Variants in SPTLC2 observed in about 807,000 individuals in gnomAD.
SPTLC2 encodes the protein serine palmitoyltransferase long chain base subunit 2, also known as serine palmitoyltransferase 2.
SPTLC2 carries 21 observed loss-of-function variants against 62.0 expected under a neutral mutation model. The ratio of observed to expected loss-of-function variants is 0.34; its 90% confidence interval spans 0.24 to 0.49. The LOEUF (loss-of-function observed/expected upper bound fraction) is 0.49, where lower values mean the gene tolerates loss of function less well. Among genes scored for constraint, SPTLC2 ranks in the 20% least tolerant of loss-of-function variants. The pLI is 0.99. For synonymous variants in SPTLC2, 261 were observed against 261.8 expected (o/e 1.00, Z 0.03); for missense variants, 511 against 713.0 (o/e 0.72, Z 3.23).
At chr14:77,518,884 G>C (rs1009468802) in intron 10 of SPTLC2, among the ~76,000 whole-genome samples, 2 of 152,174 alleles carry the variant, frequency 1.3e-5, no homozygotes, top group African/African-American at 2.4e-5. Context: ...TGTCAGGCCA[G>C]TTCACCCGCT....
In SPTLC2 at chr14:77,513,922, T is replaced by A. The variant is rs1230959199; in HGVS notation, c.1570-1519A>T. ...AAAAAAAAAAAAAAAAAGTCAAGGC[T>A]GAACACGGTGGCTCAAGCCTGTAAT... On this transcript the variant is annotated intron_variant, in intron 11 of 11. Coordinates refer to ENST00000216484, the MANE Select transcript of SPTLC2 (RefSeq NM_004863.4). 3.0e-5 allele frequency among the ~76,000 whole-genome samples: 4 copies of A among 135,226 alleles called. No individual in the cohort carries two copies. The South Asian group carries it at 9.4e-4, about 32-fold the overall frequency. 88.7% of individuals were successfully genotyped at this position (135,226 alleles called of 152,430 possible). A position where few individuals can be genotyped will look rare whatever the true frequency, so the allele number is the denominator to read the frequency against.
At chr14:77,538,210 T>C (rs1458819698) in intron 9 of SPTLC2, among the ~76,000 whole-genome samples, 1 of 152,186 alleles carries the variant, frequency 6.6e-6, no homozygotes, top group Non-Finnish European at 1.5e-5. Flanking sequence ...CAATTTAGAG[T>C]ACCTCTACCA....
chr14:77,541,381 A>C (rs1035685401), intron 9 of SPTLC2, among the ~76,000 whole-genome samples: 1 of 152,158 alleles, frequency 6.6e-6, no homozygotes, highest in Non-Finnish European at 1.5e-5. Flanking sequence ...TCTTACCAAA[A>C]GCAGCACATT....
intron 1 of SPTLC2, among the ~76,000 whole-genome samples, chr14:77,614,567 G>A (rs1268667842): frequency 6.6e-6 from 1 of 152,060 alleles, no homozygotes; most frequent in Non-Finnish European, 1.5e-5. Context: ...GGGAGGCTGA[G>A]GCAGGAGAAT....
intron 1 of SPTLC2, among the ~76,000 whole-genome samples, chr14:77,598,920 G>GAAAAAAAAAA (rs11301610): frequency 7.7e-6 from 1 of 129,756 alleles, no homozygotes; most frequent in Non-Finnish European, 1.7e-5. Context: ...AGGTGATACA[G>GAAAAAAAAAA]AAAAAAAAAA....
intron 9 of SPTLC2, among the ~76,000 whole-genome samples, chr14:77,546,646 A>G (rs946571435): frequency 6.6e-6 from 1 of 152,116 alleles, no homozygotes; most frequent in Non-Finnish European, 1.5e-5. Flanking sequence ...AAGATCACCT[A>G]TTGTTCAACT....
At chr14:77,565,242 CAAAAAAAAAAAAAAA>C (rs59356054) in intron 5 of SPTLC2, among the ~76,000 whole-genome samples, 1 of 33,692 alleles carries the variant, frequency 3.0e-5, no homozygotes, top group Non-Finnish European at 4.9e-5. Context: ...AACTCCATCT[CAAAAAAAAAAAAAAA>C]AAAAAAAAAA....
chr14:77,512,264 T>C lies in SPTLC2; in HGVS notation c.*20A>G. 6.2e-7 allele frequency: 1 copy of C among 1,613,420 alleles called. No homozygotes were observed. The highest frequency in any genetic ancestry group is 1.3e-5 in the African/African-American group (1 of 75,042). On this transcript the variant is annotated 3_prime_UTR_variant, in exon 12 of 12. Transcript: ENST00000216484. ...TGTCCTGGGTGAGGGAGAGTTCCTC[T>C]GAGGGAGCACCAAAAAGGCTCAGTC...
chr14:77,602,912 A>G (rs2079885803), intron 1 of SPTLC2, among the ~76,000 whole-genome samples: 1 of 152,142 alleles, frequency 6.6e-6, no homozygotes, highest in Non-Finnish European at 1.5e-5. Flanking sequence ...AAACGTCCTA[A>G]TGATATCCTC....
intron 9 of SPTLC2, among the ~76,000 whole-genome samples, chr14:77,542,055 T>G (rs1755071494): frequency 7.0e-6 from 1 of 142,006 alleles, no homozygotes; most frequent in East Asian, 2.0e-4. Flanking sequence ...AGACAGACTC[T>G]GTGTCCGGAA....
chr14:77,531,884 G>T (rs1418128293), intron 9 of SPTLC2, among the ~76,000 whole-genome samples: 1 of 152,022 alleles, frequency 6.6e-6, no homozygotes, highest in African/African-American at 2.4e-5. Context: ...TCTAAGATCT[G>T]TACACTTCAT....
At chr14:77,557,803 C>CTTGTG (rs1056358454) in intron 6 of SPTLC2, among the ~76,000 whole-genome samples, 1 of 152,176 alleles carries the variant, frequency 6.6e-6, no homozygotes, top group African/African-American at 2.4e-5. Context: ...CAACCAAGTT[C>CTTGTG]TTGTGGCTCT....
At position 77,597,180 on chromosome 14, in the gene SPTLC2, A is replaced by G. The variant is rs2079851933; in HGVS notation, c.327+6T>C. ...TTTACAGAATCAAAAACTCTCTAACAGTTACCTTTTGTTCTTCTCTTTCTG... is the reference window on the plus strand; with the variant it reads ...TTTACAGAATCAAAAACTCTCTAACGGTTACCTTTTGTTCTTCTCTTTCTG... On this transcript the variant is annotated splice_donor_region_variant and intron_variant, in intron 2 of 11. Transcript: ENST00000216484. The G allele has an allele frequency of 6.2e-7, 1 of 1,613,666 alleles. No homozygotes were observed. The highest frequency in any genetic ancestry group is 1.3e-5 in the African/African-American group (1 of 74,918).
At position 77,508,314 on chromosome 14, in the gene SPTLC2, A is replaced by T. The variant is rs1443080078; in HGVS notation, c.*3970T>A. 6.6e-6 allele frequency: 1 copy of T among 152,276 alleles called. No individual in the cohort carries two copies. The highest frequency in any genetic ancestry group is 1.5e-5 in the Non-Finnish European group (1 of 68,056). The allele number at this position is 152,276 out of a possible 1,614,324, so 9.4% of individuals were successfully genotyped here. A position where few individuals can be genotyped will look rare whatever the true frequency, so the allele number is the denominator to read the frequency against. On this transcript the variant is annotated 3_prime_UTR_variant, in exon 12 of 12. Transcript: ENST00000216484. ...CCTCTTTTTCTAAGCACACGGTTAT[A>T]GCAAGTAGAGATTAAAGCTCATTGG...
At chr14:77,532,557 G>T (rs2079445936) in intron 9 of SPTLC2, among the ~76,000 whole-genome samples, 1 of 152,106 alleles carries the variant, frequency 6.6e-6, no homozygotes, top group African/African-American at 2.4e-5. Flanking sequence ...GGCCGAGGCA[G>T]GTGGATCACG....
intron 9 of SPTLC2, among the ~76,000 whole-genome samples, chr14:77,528,510 C>A (rs1454475145): frequency 2.0e-5 from 3 of 152,282 alleles, no homozygotes; most frequent in East Asian, 3.9e-4. Context: ...GGATTACAGG[C>A]ATGAGGCACT....
At chr14:77,577,290 T>G (rs2079722132) in intron 3 of SPTLC2, among the ~76,000 whole-genome samples, 1 of 152,114 alleles carries the variant, frequency 6.6e-6, no homozygotes, top group Non-Finnish European at 1.5e-5. Context: ...TGAGAGCCAC[T>G]GCACAATTTG....
chr14:77,535,789 C>G, intron 9 of SPTLC2: 2 of 332,890 alleles, frequency 6.0e-6, no homozygotes, highest in South Asian at 4.7e-5. Context: ...TTGACTGATT[C>G]CTCTACTATT....
chr14:77,579,823 T>G (rs970051979), intron 2 of SPTLC2, among the ~76,000 whole-genome samples: 3 of 152,210 alleles, frequency 2.0e-5, no homozygotes, highest in African/African-American at 7.2e-5. Context: ...TCTTATCAGA[T>G]AAAAGTCACT....
Sources: gnomAD v4.1 joint callset for allele counts (sites outside exome capture counted in the v4.1 genomes callset) on GRCh38, gnomAD v4.1.1 for gene constraint, MANE v1.5 for transcripts, NCBI Gene and HGNC (gene_info 2026-07-23, HGNC 2026-07-21) for gene names.